Variants in CHP1 observed in about 807,000 individuals in gnomAD.
The protein encoded by CHP1 is calcineurin B homologous protein 1.
In CHP1, 11 loss-of-function variants were observed where a neutral mutation model predicts 27.4. The ratio of observed to expected loss-of-function variants is 0.40; its 90% CI spans 0.25 to 0.67. The LOEUF is 0.67. CHP1 is among the 30% of genes least tolerant of loss of function. The pLI is 0.38. For missense variants in CHP1, 169 were observed against 251.3 expected (o/e 0.67, Z 2.22); for synonymous variants, 89 against 87.4 (o/e 1.02, Z -0.10).
chr15:41,269,832 C>A (rs16971733), intron 4 of CHP1, among the ~76,000 whole-genome samples: 58,309 of 151,890 alleles, frequency 0.38, 12,171 homozygotes, highest in African/African-American at 0.56. Flanking sequence ...ACATTCACAT[C>A]CTCAGGCTGG....
At chr15:41,247,989 AAAAT>A (rs34267162) in intron 2 of CHP1, among the ~76,000 whole-genome samples, 6 of 149,786 alleles carry the variant, frequency 4.0e-5, no homozygotes, top group Non-Finnish European at 7.4e-5. Context: ...ATAAATAAAT[AAAAT>A]AAATAAATAA....
At chr15:41,260,854 T>C (rs557202261) in intron 3 of CHP1, among the ~76,000 whole-genome samples, 2 of 152,254 alleles carry the variant, frequency 1.3e-5, no homozygotes, top group African/African-American at 4.8e-5. Context: ...AATACAGTTA[T>C]CTGAAAAGCA....
At chr15:41,263,435 C>T (rs1279913856) in intron 4 of CHP1, among the ~76,000 whole-genome samples, 1 of 152,200 alleles carries the variant, frequency 6.6e-6, no homozygotes, top group South Asian at 2.1e-4. Context: ...TGTCTCATGC[C>T]TCTTTTCCTT....
chr15:41,255,768 CA>C (rs2047397422), intron 2 of CHP1, among the ~76,000 whole-genome samples: 1 of 149,756 alleles, frequency 6.7e-6, no homozygotes, highest in Non-Finnish European at 1.5e-5. Flanking sequence ...TCCCACCCAG[CA>C]CTTTGGGAGG....
intron 2 of CHP1, among the ~76,000 whole-genome samples, chr15:41,248,302 CTA>C (rs1454472960): frequency 1.3e-5 from 2 of 152,188 alleles, no homozygotes; most frequent in Admixed American, 1.3e-4. Context: ...GCATGCATCA[CTA>C]TGCCTGGCTA....
chr15:41,265,135 G>A (rs1193753963), intron 4 of CHP1, among the ~76,000 whole-genome samples: 2 of 151,968 alleles, frequency 1.3e-5, no homozygotes, highest in African/African-American at 2.4e-5. Flanking sequence ...GCTGAGGCAG[G>A]CGGATCACCT....
chr15:41,267,133 A>G (rs2047465323), intron 4 of CHP1, among the ~76,000 whole-genome samples: 1 of 152,196 alleles, frequency 6.6e-6, no homozygotes, highest in Admixed American at 6.6e-5. Flanking sequence ...AGAGTGGTCA[A>G]ATTTGTAGAG....
intron 3 of CHP1, 36 bp from the exon 4 acceptor site, chr15:41,262,720 T>G: frequency 6.2e-7 from 1 of 1,606,974 alleles, no homozygotes; most frequent in Non-Finnish European, 8.5e-7. Flanking sequence ...TCACCGTGAT[T>G]GACATGGTGT....
chr15:41,236,780 C>G (rs994733376), intron 1 of CHP1, among the ~76,000 whole-genome samples: 1 of 151,828 alleles, frequency 6.6e-6, no homozygotes, highest in Non-Finnish European at 1.5e-5. Flanking sequence ...TTTTACGTAA[C>G]AACAATACTA....
intron 2 of CHP1, 131 bp downstream of exon 2, chr15:41,243,870 C>A: frequency 2.8e-6 from 2 of 712,056 alleles, no homozygotes; most frequent in Non-Finnish European, 4.8e-6. Context: ...CATTTCTCTA[C>A]TGGTCTTTGA....
intron 3 of CHP1, among the ~76,000 whole-genome samples, chr15:41,259,110 C>T (rs771524692): frequency 3.3e-5 from 5 of 152,162 alleles, no homozygotes; most frequent in African/African-American, 4.8e-5. Flanking sequence ...CTGAATTCTT[C>T]CTTTTTTCTA....
chr15:41,277,964 A>C (rs923985281), intron 5 of CHP1, among the ~76,000 whole-genome samples: 14 of 152,008 alleles, frequency 9.2e-5, no homozygotes, highest in Non-Finnish European at 1.6e-4. Context: ...TCAAAAAAAA[A>C]ACCCAAAAAC....
At chr15:41,252,406 A>T (rs1435710669) in intron 2 of CHP1, among the ~76,000 whole-genome samples, 1 of 151,772 alleles carries the variant, frequency 6.6e-6, no homozygotes, top group Admixed American at 6.6e-5. Context: ...TGACCTCATG[A>T]TCCACCCACC....
chr15:41,264,859 G>T (rs2047452511), intron 4 of CHP1, among the ~76,000 whole-genome samples: 1 of 152,152 alleles, frequency 6.6e-6, no homozygotes, highest in South Asian at 2.1e-4. Flanking sequence ...CATGTAATTA[G>T]ACCAGTAAAA....
intron 4 of CHP1, among the ~76,000 whole-genome samples, chr15:41,269,357 T>G (rs891959982): frequency 6.6e-6 from 1 of 152,248 alleles, no homozygotes. Context: ...ATTACTTTTA[T>G]GTCATCTTAG....
At chr15:41,279,152 A>C (rs1182473055) in intron 6 of CHP1, among the ~76,000 whole-genome samples, 184 bp from the exon 7 acceptor site, 2 of 151,460 alleles carry the variant, frequency 1.3e-5, no homozygotes, top group African/African-American at 4.9e-5. Context: ...CCAAGGTTGC[A>C]GTGAGCCGAG....
At chr15:41,247,308 G>A (rs1173038442) in intron 2 of CHP1, among the ~76,000 whole-genome samples, 1 of 151,188 alleles carries the variant, frequency 6.6e-6, no homozygotes, top group African/African-American at 2.4e-5. Context: ...GGCGGAGGTT[G>A]TAGTGAACCA....
chr15:41,272,415 TTTTTG>T lies in CHP1; in HGVS notation c.411+1817_411+1821del, dbSNP rs1272131921. 13 of 152,318 alleles carry T rather than the reference TTTTTG, an allele frequency of 8.5e-5. No individual in the cohort carries two copies. In the South Asian group the frequency reaches 1.7e-3, roughly 19 times the overall value. 9.4% of individuals were successfully genotyped at this position (152,318 alleles called of 1,614,324 possible). A position where few individuals can be genotyped will look rare whatever the true frequency, so the allele number is the denominator to read the frequency against. On this transcript the variant is annotated intron_variant, in intron 5 of 6. Coordinates refer to ENST00000334660, the MANE Select transcript of CHP1 (RefSeq NM_007236.5). ...CTAGCGTAACTTTTGCCTGAGAATT[TTTTTG>T]TTTTGTTTTGTTTTGTTTTTTGAGA... is the stretch of plus-strand genomic sequence containing the variant.
chr15:41,269,551 G>C (rs2047478573), intron 4 of CHP1, among the ~76,000 whole-genome samples: 1 of 152,082 alleles, frequency 6.6e-6, no homozygotes, highest in South Asian at 2.1e-4. Context: ...AGCTGCACCA[G>C]AAAGCCACGT....
Sources: allele counts gnomAD v4.1 joint callset (sites outside exome capture counted in the v4.1 genomes callset), GRCh38; gene constraint gnomAD v4.1.1; transcripts MANE v1.5; gene names NCBI Gene and HGNC (gene_info 2026-07-23, HGNC 2026-07-21).